Variants in FBXL2 observed in about 807,000 individuals in gnomAD.
The protein encoded by FBXL2 is F-box/LRR-repeat protein 2.
A neutral mutation model predicts 69.2 loss-of-function variants in FBXL2; 38 were observed. That is an observed-to-expected ratio of 0.55 (90% confidence interval 0.42 to 0.72). The LOEUF (loss-of-function observed/expected upper bound fraction) is 0.72. Ranked by LOEUF, FBXL2 falls within the 30% of genes least tolerant of loss-of-function variation. The pLI, the probability that FBXL2 is intolerant of heterozygous loss-of-function variation, is 0.00. For missense variants in FBXL2, 354 were observed against 520.3 expected, an observed-to-expected ratio of 0.68 and a Z score of 3.11; for synonymous variants, 192 against 201.3, an observed-to-expected ratio of 0.95 and a Z score of 0.39.
downstream of FBXL2, chr3:33,389,937 A>G (rs748235756): frequency 1.0e-4 from 18 of 177,498 alleles, no homozygotes; most frequent in Non-Finnish European, 1.8e-4. Flanking sequence ...GGTTCAGGCA[A>G]TAAAAGCCAA....
downstream of FBXL2, among the ~76,000 whole-genome samples, chr3:33,407,063 T>C (rs1024231612): frequency 6.6e-6 from 1 of 152,234 alleles, no homozygotes; most frequent in Non-Finnish European, 1.5e-5. Context: ...TGAAGAAACA[T>C]ATGAAATTCT....
intron 12 of FBXL2, chr3:33,397,141 G>A (rs781082256): frequency 6.4e-7 from 1 of 1,569,932 alleles, no homozygotes; most frequent in Non-Finnish European, 8.6e-7. Context: ...GGCACCTAGA[G>A]AAGAGCAAAA....
At chr3:33,341,659 A>G (rs1171717699) in intron 2 of FBXL2, among the ~76,000 whole-genome samples, 1 of 151,646 alleles carries the variant, frequency 6.6e-6, no homozygotes, top group Non-Finnish European at 1.5e-5. Context: ...GTGAAACCCC[A>G]TCTCTACTAA....
chr3:33,342,093 C>T (rs1324045407), intron 2 of FBXL2, among the ~76,000 whole-genome samples: 1 of 148,642 alleles, frequency 6.7e-6, no homozygotes, highest in Non-Finnish European at 1.5e-5. Flanking sequence ...CAAGCTCCGC[C>T]TTCCAGGTTC....
At chr3:33,295,327 T>C (rs1261102552) in intron 1 of FBXL2, among the ~76,000 whole-genome samples, 1 of 152,222 alleles carries the variant, frequency 6.6e-6, no homozygotes, top group Non-Finnish European at 1.5e-5. Context: ...ACATTTAATG[T>C]AAATTGAAAC....
chr3:33,388,434 G>A (rs896191262), downstream of FBXL2: 1 of 152,472 alleles, frequency 6.6e-6, no homozygotes, highest in African/African-American at 2.4e-5. Flanking sequence ...AATTTATTTA[G>A]CCTGTTTCAC....
intron 2 of FBXL2, among the ~76,000 whole-genome samples, chr3:33,347,583 T>G (rs920097480): frequency 1.3e-5 from 2 of 152,168 alleles, no homozygotes; most frequent in African/African-American, 4.8e-5. Flanking sequence ...TTAGTTTTTT[T>G]GAGGAACCTC....
intron 2 of FBXL2, among the ~76,000 whole-genome samples, chr3:33,322,064 ATTTTTTTTTTTT>A (rs34703817): frequency 1.3e-4 from 8 of 62,444 alleles, no homozygotes; most frequent in African/African-American, 1.5e-4. Flanking sequence ...TGACTAGGTG[ATTTTTTTTTTTT>A]TTTTTTTTTT....
At chr3:33,277,200 C>A, upstream of FBXL2, 9 of 315,706 alleles carry the variant, frequency 2.9e-5, no homozygotes, top group East Asian at 4.9e-5. Flanking sequence ...AAAAAAAAAT[C>A]CATGGTCTCT....
chr3:33,279,615 TAAAC>T (rs2033745247), intron 1 of FBXL2, among the ~76,000 whole-genome samples: 1 of 152,180 alleles, frequency 6.6e-6, no homozygotes, highest in East Asian at 1.9e-4. Flanking sequence ...TGCTTGAATC[TAAAC>T]AAAACTTTAG....
intron 12 of FBXL2, chr3:33,401,027 A>G (rs1305604056): frequency 6.3e-7 from 1 of 1,581,910 alleles, no homozygotes; most frequent in Non-Finnish European, 8.6e-7. Flanking sequence ...CTGGGGAGAA[A>G]GGAGAAAGAA....
chr3:33,342,419 T>C (rs2040101530), intron 2 of FBXL2, among the ~76,000 whole-genome samples: 1 of 151,550 alleles, frequency 6.6e-6, no homozygotes, highest in Non-Finnish European at 1.5e-5. Context: ...GACTTGCTTT[T>C]AGTAGACTTG....
At chr3:33,325,867 C>G (rs1030062530) in intron 2 of FBXL2, among the ~76,000 whole-genome samples, 3 of 152,060 alleles carry the variant, frequency 2.0e-5, no homozygotes, top group Admixed American at 6.6e-5. Context: ...TTTCTATTCT[C>G]TACCAAAAAA....
chr3:33,359,379 C>CA, intron 4 of FBXL2, 22 bp downstream of exon 4: 2 of 1,584,916 alleles, frequency 1.3e-6, no homozygotes, highest in South Asian at 1.1e-5. Context: ...TTGGTTTAGA[C>CA]AAAAAACTTT....
chr3:33,291,610 G>T (rs572399619), intron 1 of FBXL2, among the ~76,000 whole-genome samples: 1 of 152,100 alleles, frequency 6.6e-6, no homozygotes, highest in African/African-American at 2.4e-5. Flanking sequence ...ACAAGCAGGG[G>T]AAGTCAAGTG....
At chr3:33,308,985 T>C (rs1052996643) in intron 2 of FBXL2, among the ~76,000 whole-genome samples, 6 of 152,232 alleles carry the variant, frequency 3.9e-5, no homozygotes, top group African/African-American at 1.4e-4. Context: ...ACTTACTTGG[T>C]GGCCTAACAT....
intron 1 of FBXL2, among the ~76,000 whole-genome samples, chr3:33,288,947 A>G (rs935040657): frequency 7.9e-5 from 12 of 152,130 alleles, no homozygotes; most frequent in African/African-American, 1.2e-4. Context: ...TAGCTGATGG[A>G]TTGGTTATGG....
At position 33,282,402 on chromosome 3, in the gene FBXL2, G is replaced by C. The variant is rs542756438; in HGVS notation, c.3+4887G>C. On this transcript the variant is annotated intron_variant, in intron 1 of 14. Coordinates refer to ENST00000484457, the MANE Select transcript of FBXL2 (RefSeq NM_012157.5). ...GAGGGCTCTGTTCTGTTCCATTGGT[G>C]TATATATCTGTTTTGGTACCAGTAC... Among the ~76,000 whole-genome samples the C allele has an allele frequency of 1.1e-4, 16 of 152,120 alleles. No homozygotes were observed. In the South Asian group the frequency reaches 2.9e-3, roughly 28 times the overall value.
chr3:33,316,946 G>A (rs942879919), intron 2 of FBXL2, among the ~76,000 whole-genome samples: 1 of 146,488 alleles, frequency 6.8e-6, no homozygotes, highest in Admixed American at 6.7e-5. Flanking sequence ...CTGTTGTCCA[G>A]GCTGAAGTAC....
Sources: allele counts gnomAD v4.1 joint callset (sites outside exome capture counted in the v4.1 genomes callset), GRCh38; gene constraint gnomAD v4.1.1; transcripts MANE v1.5; gene names NCBI Gene and HGNC (gene_info 2026-07-23, HGNC 2026-07-21).